LRP1B: variants seen among roughly 807,000 people sequenced by gnomAD.
LRP1B encodes LDL receptor related protein 1B, also known as low-density lipoprotein receptor-related protein 1B.
LRP1B carries 217 observed loss-of-function variants against 556.6 expected under a neutral mutation model. The observed-to-expected ratio is 0.39, with a 90% CI of 0.35 to 0.44. The LOEUF (loss-of-function observed/expected upper bound fraction) is 0.44, where lower values mean the gene tolerates loss of function less well. LRP1B is among the 20% of genes least tolerant of loss of function. The pLI is 1.00. For missense variants in LRP1B, 5,053 were observed against 5,620.8 expected (o/e 0.90, Z 3.23); for synonymous variants, 2,047 against 1,865.8 (o/e 1.10, Z -2.50).
At chr2:141,214,064 G>A (rs1008935263) in intron 6 of LRP1B, among the ~76,000 whole-genome samples, 5 of 151,854 alleles carry the variant, frequency 3.3e-5, no homozygotes, top group African/African-American at 7.2e-5. Flanking sequence ...ATTTTTGATC[G>A]ATGGTTGGCT....
intron 3 of LRP1B, among the ~76,000 whole-genome samples, chr2:141,285,371 G>A (rs1273565694): frequency 1.3e-5 from 2 of 151,386 alleles, no homozygotes; most frequent in Non-Finnish European, 2.9e-5. Flanking sequence ...ACAGGCGTGA[G>A]CTACCACGCC....
intron 1 of LRP1B, among the ~76,000 whole-genome samples, chr2:142,030,985 G>T (rs1165631641): frequency 1.3e-5 from 2 of 151,828 alleles, no homozygotes; most frequent in African/African-American, 4.8e-5. Flanking sequence ...ACCTGTCAAA[G>T]ACATTTTTTA....
chr2:140,257,872 C>T (rs1213520424), intron 86 of LRP1B, among the ~76,000 whole-genome samples: 4 of 152,100 alleles, frequency 2.6e-5, no homozygotes, highest in Non-Finnish European at 5.9e-5. Context: ...TCCTTAGGCT[C>T]TTCTTAAGCA....
chr2:141,150,587 G>T (rs1701897226), intron 7 of LRP1B, among the ~76,000 whole-genome samples: 1 of 152,104 alleles, frequency 6.6e-6, no homozygotes, highest in Admixed American at 6.6e-5. Flanking sequence ...AAGTTACACA[G>T]CTTGAATCAC....
At position 141,903,179 on chromosome 2, in the gene LRP1B, A is replaced by G. The variant is rs187288794; in HGVS notation, c.83-92778T>C. Among the ~76,000 whole-genome samples the G allele has an allele frequency of 2.6e-5, 4 of 151,886 alleles. No homozygotes were observed. In the East Asian group the frequency reaches 7.8e-4, roughly 30 times the overall value. ...TTTTACTACTTTAATGATACATTTT[A>G]AAGTCAAGTCAAAGAATCTTATAGA... On this transcript the variant is annotated intron_variant, in intron 1 of 90. Coordinates refer to ENST00000389484, the MANE Select transcript of LRP1B (RefSeq NM_018557.3).
intron 15 of LRP1B, among the ~76,000 whole-genome samples, chr2:141,002,417 G>A (rs114318503): frequency 0.012 from 1,800 of 152,090 alleles, 44 homozygotes; most frequent in African/African-American, 0.042. Flanking sequence ...AATATATACA[G>A]TCATCCCTCG....
chr2:141,036,001 C>T (rs915488028), intron 11 of LRP1B, among the ~76,000 whole-genome samples: 1 of 152,042 alleles, frequency 6.6e-6, no homozygotes, highest in Non-Finnish European at 1.5e-5. Context: ...ACATTCAGAG[C>T]TCGGCTTTGC....
At chr2:140,886,646 C>T (rs1693644809) in intron 23 of LRP1B, among the ~76,000 whole-genome samples, 6 of 151,390 alleles carry the variant, frequency 4.0e-5, no homozygotes, top group Admixed American at 3.3e-4. Flanking sequence ...AGAATTTCAG[C>T]TGACAACTTA....
intron 60 of LRP1B, among the ~76,000 whole-genome samples, chr2:140,459,219 ATTT>A (rs1687220072): frequency 1.3e-5 from 2 of 152,088 alleles, no homozygotes; most frequent in African/African-American, 4.8e-5. Context: ...TATTCCCACC[ATTT>A]TTCTTTGACT....
intron 2 of LRP1B, among the ~76,000 whole-genome samples, chr2:141,672,011 G>A (rs1311863130): frequency 6.6e-6 from 1 of 151,892 alleles, no homozygotes. Flanking sequence ...AGGAAAATAT[G>A]TTGATATAAA....
chr2:140,763,457 T>G (rs903052897), intron 35 of LRP1B, among the ~76,000 whole-genome samples: 4 of 152,110 alleles, frequency 2.6e-5, no homozygotes. Context: ...AAAGTCGGTG[T>G]CAAGATCTTT....
intron 7 of LRP1B, among the ~76,000 whole-genome samples, chr2:141,109,385 C>T (rs1029432084): frequency 2.0e-5 from 3 of 152,078 alleles, no homozygotes; most frequent in African/African-American, 7.2e-5. Context: ...GCAAGATGAA[C>T]CCACTGGCAG....
chr2:141,133,902 T>C (rs1347439578), intron 7 of LRP1B, among the ~76,000 whole-genome samples: 1 of 151,970 alleles, frequency 6.6e-6, no homozygotes, highest in Non-Finnish European at 1.5e-5. Context: ...TCCCTACTGA[T>C]CAACTCCACC....
chr2:141,452,518 C>A (rs971887902), intron 3 of LRP1B, among the ~76,000 whole-genome samples: 1 of 152,176 alleles, frequency 6.6e-6, no homozygotes, highest in South Asian at 2.1e-4. Flanking sequence ...TCTGTAAACT[C>A]TACTGCAAAT....
intron 1 of LRP1B, among the ~76,000 whole-genome samples, chr2:142,089,870 A>G (rs1296657139): frequency 1.3e-5 from 2 of 152,152 alleles, no homozygotes; most frequent in East Asian, 3.8e-4. Context: ...TGATGAGAAG[A>G]GGGCTTTCTT....
At chr2:142,121,500 T>C (rs1413119949) in intron 1 of LRP1B, among the ~76,000 whole-genome samples, 1 of 152,068 alleles carries the variant, frequency 6.6e-6, no homozygotes, top group Non-Finnish European at 1.5e-5. Context: ...AATACCAAAA[T>C]CACAACTTCC....
intron 60 of LRP1B, among the ~76,000 whole-genome samples, chr2:140,462,189 A>G (rs1687353371): frequency 1.3e-5 from 2 of 152,176 alleles, no homozygotes; most frequent in Non-Finnish European, 2.9e-5. Context: ...CATTTTTTAA[A>G]AGAATTCTTG....
chr2:141,702,811 G>A (rs978577627), intron 2 of LRP1B, among the ~76,000 whole-genome samples: 1 of 151,870 alleles, frequency 6.6e-6, no homozygotes, highest in African/African-American at 2.4e-5. Context: ...TATAAACGGA[G>A]TGATGTAAGG....
chr2:140,909,426 C>CAAT (rs1694352530), intron 21 of LRP1B, among the ~76,000 whole-genome samples: 1 of 151,578 alleles, frequency 6.6e-6, no homozygotes, highest in South Asian at 2.1e-4. Context: ...AAAAATATAT[C>CAAT]AATAATTCTT....
Sources: allele counts gnomAD v4.1 joint callset (sites outside exome capture counted in the v4.1 genomes callset), GRCh38; gene constraint gnomAD v4.1.1; transcripts MANE v1.5; gene names NCBI Gene and HGNC (gene_info 2026-07-23, HGNC 2026-07-21).